Variants in ARRDC2 observed in about 807,000 individuals in gnomAD.
The protein encoded by ARRDC2 is arrestin domain containing 2.
A neutral mutation model predicts 38.9 loss-of-function variants in ARRDC2; 39 were observed. The observed-to-expected ratio is 1.00, with a 90% CI of 0.78 to 1.31. The LOEUF is 1.31. Among genes scored for constraint, ARRDC2 ranks in the 50% most tolerant of loss-of-function variants. ARRDC2 has a pLI of 0.00. For synonymous variants in ARRDC2, 300 were observed against 261.9 expected, an observed-to-expected ratio of 1.15 and a Z score of -1.41; for missense variants, 553 against 588.4, an observed-to-expected ratio of 0.94 and a Z score of 0.62.
At position 18,010,030 on chromosome 19, in the gene ARRDC2, C is replaced by T. The variant is rs1250719150; in HGVS notation, c.840C>T (p.Tyr280=). Residue 280 remains tyrosine (Y), a synonymous_variant, in exon 5 of 8, where the codon TAC becomes TAT. Coordinates refer to ENST00000222250, the MANE Select transcript of ARRDC2 (RefSeq NM_015683.2). The part of the protein sequence containing the change: ...ILHCRVLHVD[Y]ALKVCVDIPG... Reference sequence around the variant, plus strand: ...ACTGCCGCGTTCTACACGTGGACTACGCACTCAAGGTAGGGCATCCTGCTG... The same window carrying T: ...ACTGCCGCGTTCTACACGTGGACTATGCACTCAAGGTAGGGCATCCTGCTG... 6.2e-6 allele frequency: 10 copies of T among 1,602,856 alleles called. No homozygotes were observed. Among genetic ancestry groups the T allele is most frequent in the Admixed American group, 3.3e-5 (2 of 59,748 alleles).
At chr19:18,010,076 CA>C (rs779735654) in intron 5 of ARRDC2, 37 bp downstream of exon 5, 8 of 1,605,056 alleles carry the variant, frequency 5.0e-6, no homozygotes, top group Non-Finnish European at 5.1e-6. Context: ...ACAGTGCCTA[CA>C]TTCACCCTGT....
upstream of ARRDC2, chr19:18,008,115 G>GTGCCCC: frequency 3.7e-6 from 3 of 810,032 alleles, no homozygotes; most frequent in Non-Finnish European, 5.1e-6. Context: ...AAGAGACGGT[G>GTGCCCC]ACCCCACCCC....
intron 5 of ARRDC2, 34 bp from the exon 6 acceptor site, chr19:18,010,162 C>G (rs1385101073): frequency 1.2e-6 from 2 of 1,607,392 alleles, no homozygotes; most frequent in East Asian, 4.5e-5. Context: ...GGGGAGGCTG[C>G]CTGGGCACCC....
chr19:18,006,438 AAC>A (rs2033279706), upstream of ARRDC2, among the ~76,000 whole-genome samples: 1 of 152,234 alleles, frequency 6.6e-6, no homozygotes, highest in African/African-American at 2.4e-5. Flanking sequence ...CAGCCGGGCC[AAC>A]ACAGCGAAAC....
chr19:18,008,116 A>ACGGCCC, upstream of ARRDC2: 3 of 522,498 alleles, frequency 5.7e-6, no homozygotes, highest in Non-Finnish European at 8.7e-6. Context: ...AGAGACGGTG[A>ACGGCCC]CCCCACCCCC....
chr19:18,008,392 C>G lies in ARRDC2; in HGVS notation c.82C>G (p.Gln28Glu). 1 of 1,595,256 alleles carries G rather than the reference C, an allele frequency of 6.3e-7. No homozygotes were observed. The highest frequency in any genetic ancestry group is 8.5e-7 in the Non-Finnish European group (1 of 1,178,312). Residue 28 changes from glutamine to glutamate, a missense_variant, in exon 1 of 8, where the codon CAG (glutamine) becomes GAG (glutamate). By Grantham distance (29) the Gln-to-Glu change is conservative. Transcript: ENST00000222250. ...CGTCGAGCCCGTGTTTAGCGGCGGC[C>G]AGGCCGTGGCGGGCCGGGTGCTGCT... ...AGVEPVFSGG[Q>E]AVAGRVLLEL...
intron 7 of ARRDC2, among the ~76,000 whole-genome samples, chr19:18,011,946 A>ATTTTT: frequency 1.9e-5 from 1 of 52,902 alleles, no homozygotes; most frequent in African/African-American, 7.5e-5. Flanking sequence ...ATATATATAT[A>ATTTTT]TATATATTTT....
At chr19:18,001,190 C>T (rs1311903527) in exon 1 of ARRDC2, 57 of 1,041,064 alleles carry the variant, frequency 5.5e-5, no homozygotes, top group Non-Finnish European at 6.4e-5. Context: ...CCAAGTTCGC[C>T]GGGGGGGCCC....
upstream of ARRDC2, among the ~76,000 whole-genome samples, chr19:18,005,005 A>G (rs547010748): frequency 6.7e-5 from 10 of 149,622 alleles, no homozygotes; most frequent in South Asian, 2.1e-3. Context: ...AGAAAAGCAA[A>G]TTTAAAAAAA....
upstream of ARRDC2, among the ~76,000 whole-genome samples, chr19:18,003,267 GTGTT>G (rs1022837931): frequency 1.1e-4 from 17 of 152,104 alleles, no homozygotes; most frequent in African/African-American, 3.9e-4. Context: ...CTCCGTTTTT[GTGTT>G]TGTTTTTGTT....
At chr19:18,003,726 G>A (rs1287050271), upstream of ARRDC2, among the ~76,000 whole-genome samples, 3 of 151,896 alleles carry the variant, frequency 2.0e-5, no homozygotes, top group Non-Finnish European at 4.4e-5. Flanking sequence ...TGCAAGCTCT[G>A]CCTCCCGGGT....
chr19:18,005,713 G>GGC (rs2033260644), upstream of ARRDC2, among the ~76,000 whole-genome samples: 4 of 150,750 alleles, frequency 2.7e-5, no homozygotes, highest in East Asian at 5.8e-4. Context: ...CTGGCTGGGT[G>GGC]GGGGGCTGAC....
chr19:18,013,141 C>A lies in ARRDC2; in HGVS notation c.*175C>A. On this transcript the variant is annotated 3_prime_UTR_variant, in exon 8 of 8. Transcript: ENST00000222250. ...CACATGGGACAGAGGAAGAGCCCGG[C>A]TGGAATCTGACTTACCTGGACCGCT... The A allele has an allele frequency of 1.5e-6, 1 of 646,956 alleles. No individual in the cohort carries two copies. The highest frequency in any genetic ancestry group is 2.6e-6 in the Non-Finnish European group (1 of 382,488). The allele number at this position is 646,956 out of a possible 1,614,324, so 40.1% of individuals were successfully genotyped here. A position where few individuals can be genotyped will look rare whatever the true frequency, so the allele number is the denominator to read the frequency against.
upstream of ARRDC2, chr19:18,007,756 A>G (rs999118435): frequency 1.1e-4 from 20 of 185,040 alleles, no homozygotes; most frequent in East Asian, 3.8e-4. Context: ...GAACAGTCAT[A>G]GGCTCTCTGG....
chr19:18,005,009 A>G (rs905752279), upstream of ARRDC2, among the ~76,000 whole-genome samples: 11 of 137,554 alleles, frequency 8.0e-5, no homozygotes, highest in African/African-American at 2.8e-4. Flanking sequence ...AAGCAAATTT[A>G]AAAAAAATTT....
At chr19:18,004,761 A>T (rs559578696), upstream of ARRDC2, among the ~76,000 whole-genome samples, 1 of 151,146 alleles carries the variant, frequency 6.6e-6, no homozygotes, top group East Asian at 2.0e-4. Context: ...GCACTTTGGG[A>T]GGCTGAGGCG....
upstream of ARRDC2, among the ~76,000 whole-genome samples, chr19:18,004,245 C>CTTT (rs34248029): frequency 8.6e-4 from 99 of 114,772 alleles, no homozygotes; most frequent in South Asian, 4.4e-3. Flanking sequence ...GCCGGGCTAA[C>CTTT]TTTTTTTTTT....
chr19:18,008,314 C>A lies in ARRDC2; in HGVS notation c.4C>A (p.Leu2Ile). 1 of 1,595,574 alleles carries A rather than the reference C, an allele frequency of 6.3e-7. No homozygotes were observed. Among genetic ancestry groups the A allele is most frequent in the Non-Finnish European group, 8.5e-7 (1 of 1,178,526 alleles). Reference protein sequence around the residue: MLFDKVKAFSVQ... With the variant: MIFDKVKAFSVQ... The stretch of plus-strand genomic sequence containing the variant: ...GTGGGTTCGCACCCCGGACGCGATG[C>A]TATTCGACAAGGTGAAAGCGTTCTC... The change falls in exon 1 of 8, where the codon CTA becomes ATA. Residue 2 changes from leucine to isoleucine, a missense_variant. Leu to Ile is a conservative substitution (Grantham distance 5, BLOSUM62 2). Around this residue, in one of 3 missense-constraint regions of ARRDC2, gnomAD observed 447 missense variants for 456.6 expected, o/e 0.98. Coordinates refer to ENST00000222250, the MANE Select transcript of ARRDC2 (RefSeq NM_015683.2).
In ARRDC2 at chr19:18,009,056, C is replaced by T. The variant is rs547129702; in HGVS notation, c.427C>T (p.Arg143Cys). ...CCTGCACCGGCCCTGGGTCCCAGCA[C>T]GCCGGGCAAGGAAGGTGTTCACTGT... Reference protein sequence around the residue: ...ATLHRPWVPARRARKVFTVIE... With the variant: ...ATLHRPWVPACRARKVFTVIE... The change falls in exon 3 of 8, where the codon CGC (arginine) becomes TGC (cysteine). Residue 143 changes from arginine (R) to cysteine (C), a missense_variant. Physicochemically the swap from Arg to Cys is radical, Grantham distance 180 (BLOSUM62 -3). Around this residue, in one of 3 missense-constraint regions of ARRDC2, gnomAD observed 447 missense variants for 456.6 expected, o/e 0.98. Transcript: ENST00000222250. 22 of 1,613,578 alleles carry T rather than the reference C, an allele frequency of 1.4e-5. No homozygotes were observed. The highest frequency in any genetic ancestry group is 1.1e-4 in the South Asian group (10 of 91,082).
Sources: gnomAD v4.1 joint callset for allele counts (sites outside exome capture counted in the v4.1 genomes callset) on GRCh38, gnomAD v4.1.1 for gene constraint, gnomAD v4.1.1 regional missense constraint, MANE v1.5 for transcripts, NCBI Gene and HGNC (gene_info 2026-07-23, HGNC 2026-07-21) for gene names.